Variants in SETBP1 observed in about 807,000 individuals in gnomAD.
The protein encoded by SETBP1 is SET-binding protein.
Under a neutral mutation model 101.0 loss-of-function variants are expected in SETBP1, and 9 were observed. That is an observed-to-expected ratio of 0.09 (90% confidence interval 0.05 to 0.16). The LOEUF (loss-of-function observed/expected upper bound fraction) is 0.16. SETBP1 is among the 10% of genes least tolerant of loss of function. The pLI is 1.00. For synonymous variants in SETBP1, 818 were observed against 788.5 expected, an observed-to-expected ratio of 1.04 and a Z score of -0.63; for missense variants, 1,858 against 2,033.8, an observed-to-expected ratio of 0.91 and a Z score of 1.66.
intron 1 of SETBP1, among the ~76,000 whole-genome samples, chr18:44,688,215 C>A (rs181437673): frequency 6.2e-4 from 94 of 152,270 alleles, no homozygotes; most frequent in African/African-American, 2.2e-3. Flanking sequence ...TAGTAAACAG[C>A]AATTTCTTCA....
At chr18:44,785,077 T>G (rs2071211600) in intron 2 of SETBP1, among the ~76,000 whole-genome samples, 1 of 152,242 alleles carries the variant, frequency 6.6e-6, no homozygotes, top group African/African-American at 2.4e-5. Context: ...TTTAATTCAT[T>G]TTTAAAGGAA....
intron 2 of SETBP1, among the ~76,000 whole-genome samples, chr18:44,729,838 G>A (rs748063677): frequency 6.6e-6 from 1 of 152,232 alleles, no homozygotes; most frequent in Non-Finnish European, 1.5e-5. Context: ...GCTAGAGCAG[G>A]AGAAACCCCA....
At chr18:44,890,767 T>C (rs1285709546) in intron 3 of SETBP1, among the ~76,000 whole-genome samples, 1 of 152,142 alleles carries the variant, frequency 6.6e-6, no homozygotes, top group Non-Finnish European at 1.5e-5. Flanking sequence ...TGCAACCTCA[T>C]GAAGGCAGTT....
At chr18:44,936,758 C>T (rs2070967642) in intron 3 of SETBP1, among the ~76,000 whole-genome samples, 1 of 152,116 alleles carries the variant, frequency 6.6e-6, no homozygotes, top group Non-Finnish European at 1.5e-5. Flanking sequence ...CATCTCTAAA[C>T]AGGAAAGTGA....
At chr18:44,720,654 G>C (rs1393978778) in intron 2 of SETBP1, among the ~76,000 whole-genome samples, 1 of 152,172 alleles carries the variant, frequency 6.6e-6, no homozygotes, top group East Asian at 1.9e-4. Flanking sequence ...ATGTGAGAGA[G>C]TACAGGGAGG....
At position 44,841,503 on chromosome 18, in the gene SETBP1, G is replaced by A. The variant is rs116796272; in HGVS notation, c.487-27727G>A. On this transcript the variant is annotated intron_variant, in intron 2 of 5. Coordinates refer to ENST00000649279, the MANE Select transcript of SETBP1 (RefSeq NM_015559.3). ...GGGATTAGGCTCCACCTTTTGAGAGGAAGAGTACCAAAGAATTTGTGGACT... is the reference window on the plus strand; with the variant it reads ...GGGATTAGGCTCCACCTTTTGAGAGAAAGAGTACCAAAGAATTTGTGGACT... Among the ~76,000 whole-genome samples, 801 of 152,286 alleles carry A rather than the reference G, an allele frequency of 5.3e-3. 8 individuals carry two copies. Among genetic ancestry groups the A allele is most frequent in the African/African-American group, 0.018 (744 of 41,566 alleles).
intron 3 of SETBP1, among the ~76,000 whole-genome samples, chr18:44,893,501 A>G (rs2069819792): frequency 6.6e-6 from 1 of 152,184 alleles, no homozygotes; most frequent in South Asian, 2.1e-4. Flanking sequence ...TAGCTGGTGC[A>G]CATAGTTAGT....
At chr18:44,709,330 T>C (rs2069290204) in intron 2 of SETBP1, among the ~76,000 whole-genome samples, 1 of 152,168 alleles carries the variant, frequency 6.6e-6, no homozygotes, top group East Asian at 1.9e-4. Flanking sequence ...GTGTGCTCTG[T>C]ATGTGAAATT....
intron 5 of SETBP1, among the ~76,000 whole-genome samples, chr18:45,057,635 C>A (rs2073831082): frequency 6.6e-6 from 1 of 152,200 alleles, no homozygotes; most frequent in South Asian, 2.1e-4. Flanking sequence ...GCTGTATCTG[C>A]CCTGAAATGC....
intron 4 of SETBP1, among the ~76,000 whole-genome samples, chr18:44,960,835 C>T (rs894523577): frequency 5.3e-5 from 8 of 152,200 alleles, no homozygotes; most frequent in African/African-American, 1.9e-4. Flanking sequence ...CCACCCTCCA[C>T]CCCCGGATTA....
At chr18:44,768,739 C>T (rs140648881) in intron 2 of SETBP1, among the ~76,000 whole-genome samples, 7 of 152,290 alleles carry the variant, frequency 4.6e-5, no homozygotes, top group Non-Finnish European at 1.0e-4. Flanking sequence ...TTGCAAACCT[C>T]ATAAAGTATA....
chr18:45,058,749 A>C (rs1462794347), intron 5 of SETBP1, among the ~76,000 whole-genome samples: 1 of 152,242 alleles, frequency 6.6e-6, no homozygotes, highest in Admixed American at 6.5e-5. Flanking sequence ...TAAAGATTAT[A>C]ATGTGCAAAA....
chr18:44,845,174 T>C (rs1032958959), intron 2 of SETBP1, among the ~76,000 whole-genome samples: 4 of 152,022 alleles, frequency 2.6e-5, no homozygotes, highest in Non-Finnish European at 5.9e-5. Context: ...GCCGAAGAGG[T>C]TTGATTGAGT....
At chr18:44,993,121 G>A (rs1432406347) in intron 4 of SETBP1, among the ~76,000 whole-genome samples, 2 of 151,916 alleles carry the variant, frequency 1.3e-5, no homozygotes, top group Non-Finnish European at 2.9e-5. Context: ...TATGACAAAG[G>A]TTCTCAGCAA....
chr18:44,848,331 T>C (rs1386467988), intron 2 of SETBP1, among the ~76,000 whole-genome samples: 1 of 152,000 alleles, frequency 6.6e-6, no homozygotes, highest in Non-Finnish European at 1.5e-5. Context: ...TAGAGAGTTA[T>C]GGGGGAGGGG....
chr18:44,801,230 T>C (rs2071601346), intron 2 of SETBP1, among the ~76,000 whole-genome samples: 2 of 151,868 alleles, frequency 1.3e-5, no homozygotes, highest in South Asian at 2.1e-4. Context: ...TGTATACATA[T>C]GTAACAAACC....
chr18:44,763,725 C>T (rs537851852), intron 2 of SETBP1, among the ~76,000 whole-genome samples: 1 of 152,282 alleles, frequency 6.6e-6, no homozygotes, highest in Admixed American at 6.5e-5. Context: ...TACTGACTGA[C>T]CTCACAGTCT....
chr18:44,793,884 C>A (rs1213175750), intron 2 of SETBP1, among the ~76,000 whole-genome samples: 2 of 152,144 alleles, frequency 1.3e-5, no homozygotes, highest in Non-Finnish European at 2.9e-5. Flanking sequence ...TTCTTGTGGG[C>A]CAAAGGATTG....
In SETBP1 at chr18:44,952,429, C is replaced by T. The variant is rs1389839713; in HGVS notation, c.3089C>T (p.Thr1030Ile). The T allele has an allele frequency of 4.3e-6, 7 of 1,614,152 alleles. No homozygotes were observed. Among genetic ancestry groups the T allele is most frequent in the Middle Eastern group, 1.6e-4 (1 of 6,062 alleles). Residue 1030 changes from threonine to isoleucine, a missense_variant, in exon 4 of 6, where the codon ACA becomes ATA. Around this residue, in one of 12 missense-constraint regions of SETBP1, gnomAD observed 255 missense variants for 300.1 expected, o/e 0.85. Coordinates refer to ENST00000649279, the MANE Select transcript of SETBP1 (RefSeq NM_015559.3). ...CCTGCAAAAACCAATGACACCATGA[C>T]AAAGGTGCCTTTTTTACAAGGGTTC... is the stretch of plus-strand genomic sequence containing the variant. Reference protein sequence around the residue: ...GRPAKTNDTMTKVPFLQGFSY... With the variant: ...GRPAKTNDTMIKVPFLQGFSY...
Sources: allele counts gnomAD v4.1 joint callset (sites outside exome capture counted in the v4.1 genomes callset), GRCh38; gene constraint gnomAD v4.1.1; regional missense constraint gnomAD v4.1.1; transcripts MANE v1.5; gene names NCBI Gene and HGNC (gene_info 2026-07-23, HGNC 2026-07-21).